LETM2: variants seen among roughly 807,000 people sequenced by gnomAD.
LETM2 encodes LETM1 domain-containing protein LETM2, mitochondrial.
LETM2 carries 58 observed loss-of-function variants against 59.6 expected under a neutral mutation model. The ratio of observed to expected loss-of-function variants is 0.97; its 90% CI spans 0.79 to 1.21. The LOEUF (loss-of-function observed/expected upper bound fraction) is 1.21. Among genes scored for constraint, LETM2 ranks in the 50% most tolerant of loss-of-function variants. The pLI is 0.00. For missense variants in LETM2, 572 were observed against 575.7 expected (o/e 0.99, Z 0.07); for synonymous variants, 199 against 214.1 (o/e 0.93, Z 0.62).
At chr8:38,386,458 G>A (rs1399901877), upstream of LETM2, 1 of 152,270 alleles carries the variant, frequency 6.6e-6, no homozygotes, top group Non-Finnish European at 1.5e-5. Context: ...CGTCAGGGGC[G>A]AGGAAAGAGG....
intron 2 of LETM2, among the ~76,000 whole-genome samples, chr8:38,391,852 C>T (rs1349733237): frequency 6.6e-6 from 1 of 151,952 alleles, no homozygotes; most frequent in African/African-American, 2.4e-5. Context: ...ACACCACACC[C>T]GGCTAATTTT....
In LETM2 at chr8:38,392,989, A is replaced by G. The variant is rs1422679249; in HGVS notation, c.495A>G (p.Arg165=). 6.3e-7 allele frequency: 1 copy of G among 1,594,180 alleles called. No individual in the cohort carries two copies. Among genetic ancestry groups the G allele is most frequent in the South Asian group, 1.1e-5 (1 of 89,844 alleles). ...LHGQVLTRRE[R]RRLLRTCVDF... ...GACAGGTCCTGACCAGACGAGAGAG[A>G]CGAAGGGTAGGCAAGAATCATATTT... Residue 165 remains arginine, a synonymous_variant, in exon 3 of 11, where the codon AGA becomes AGG. Coordinates refer to ENST00000379957, the MANE Select transcript of LETM2 (RefSeq NM_001286819.2).
chr8:38,404,324 T>G (rs1586024334), intron 7 of LETM2, 69 bp from the exon 8 acceptor site: 1 of 1,067,264 alleles, frequency 9.4e-7, no homozygotes, highest in Non-Finnish European at 1.4e-6. Context: ...CCAGGGAGGG[T>G]AGATGACCGC....
chr8:38,397,812 G>A (rs954252937), intron 4 of LETM2, among the ~76,000 whole-genome samples: 1 of 152,172 alleles, frequency 6.6e-6, no homozygotes, highest in Middle Eastern at 3.4e-3. Context: ...AGAGAGAGAT[G>A]ACAGAGAATA....
At chr8:38,392,317 T>C (rs12681501) in intron 2 of LETM2, among the ~76,000 whole-genome samples, 33,625 of 151,828 alleles carry the variant, frequency 0.22, 3,953 homozygotes, top group East Asian at 0.31. Flanking sequence ...CCTAGCTACT[T>C]AGAAGGCTGA....
chr8:38,401,415 G>A, intron 6 of LETM2: 1 of 255,450 alleles, frequency 3.9e-6, no homozygotes, highest in Non-Finnish European at 7.7e-6. Flanking sequence ...GGGATGACAG[G>A]TGTGACCACC....
At chr8:38,394,350 CAATTTCTCCTGTAATT>C in intron 4 of LETM2, 109 bp downstream of exon 4, 1 of 518,314 alleles carries the variant, frequency 1.9e-6, no homozygotes, top group Non-Finnish European at 3.3e-6. Context: ...AACCCCATCC[CAATTTCTCCTGTAATT>C]AATATCTTGC....
intron 6 of LETM2, among the ~76,000 whole-genome samples, chr8:38,401,870 A>T (rs190870830): frequency 1.7e-4 from 26 of 152,284 alleles, no homozygotes; most frequent in Admixed American, 1.6e-3. Context: ...AGGCTTTTTT[A>T]AAAAATGGAA....
chr8:38,407,061 G>A, intron 9 of LETM2, 23 bp downstream of exon 9: 2 of 1,449,476 alleles, frequency 1.4e-6, no homozygotes, highest in Middle Eastern at 3.5e-4. Context: ...CTTTCCATTT[G>A]GTTAATTAGA....
intron 8 of LETM2, among the ~76,000 whole-genome samples, chr8:38,405,908 A>G (rs1261352044): frequency 6.6e-6 from 1 of 152,216 alleles, no homozygotes; most frequent in East Asian, 1.9e-4. Context: ...TAAGCTCCTA[A>G]GCAAGTTATT....
At chr8:38,401,103 C>G (rs76690632) in intron 6 of LETM2, 50 bp downstream of exon 6, 1 of 1,411,446 alleles carries the variant, frequency 7.1e-7, no homozygotes, top group Non-Finnish European at 1.0e-6. Context: ...TTGGGACATA[C>G]CTTAGGGTGC....
At chr8:38,401,272 G>A (rs1813200933) in intron 6 of LETM2, among the ~76,000 whole-genome samples, 1 of 152,128 alleles carries the variant, frequency 6.6e-6, no homozygotes, top group Non-Finnish European at 1.5e-5. Context: ...AAGTAGCTGG[G>A]ATTACAGGCA....
intron 4 of LETM2, among the ~76,000 whole-genome samples, chr8:38,395,078 T>C (rs1038182529): frequency 6.6e-6 from 1 of 152,228 alleles, no homozygotes; most frequent in African/African-American, 2.4e-5. Flanking sequence ...CACTGAGTGA[T>C]AGTCCATTGT....
chr8:38,404,073 G>C (rs1273499259), intron 7 of LETM2, among the ~76,000 whole-genome samples: 1 of 152,168 alleles, frequency 6.6e-6, no homozygotes, highest in Non-Finnish European at 1.5e-5. Flanking sequence ...CCCAGGCTGT[G>C]ATTTATTCTT....
chr8:38,401,019 T>C lies in LETM2; in HGVS notation c.950T>C (p.Leu317Pro), dbSNP rs1456445791. 9 of 1,613,870 alleles carry C rather than the reference T, an allele frequency of 5.6e-6. No individual in the cohort carries two copies. Among genetic ancestry groups the C allele is most frequent in the Non-Finnish European group, 7.6e-6 (9 of 1,179,930 alleles). Residue 317 changes from leucine (L) to proline (P), a missense_variant, in exon 6 of 11, where the codon CTG becomes CCG. By Grantham distance (98) the Leu-to-Pro change is moderately conservative. Coordinates refer to ENST00000379957, the MANE Select transcript of LETM2 (RefSeq NM_001286819.2). Reference protein sequence around the residue: ...GTNNLLRFQLLMKLKSIKADD... With the variant: ...GTNNLLRFQLPMKLKSIKADD... ...AACAACCTGCTCCGCTTTCAGCTCC[T>C]GATGAAACTGAAGTCTATAAAAGCA...
chr8:38,385,368 T>C (rs560704311), upstream of LETM2, among the ~76,000 whole-genome samples: 1 of 152,312 alleles, frequency 6.6e-6, no homozygotes, highest in South Asian at 2.1e-4. Flanking sequence ...CCTTGCTGTA[T>C]GGTGGTCGAG....
chr8:38,388,857 C>T (rs1177430626), intron 2 of LETM2, among the ~76,000 whole-genome samples: 2 of 151,670 alleles, frequency 1.3e-5, no homozygotes, highest in African/African-American at 4.8e-5. Context: ...CCTCCAACTC[C>T]CAGGTTCAAG....
At chr8:38,407,742 A>G (rs1813849346) in intron 10 of LETM2, among the ~76,000 whole-genome samples, 1 of 152,210 alleles carries the variant, frequency 6.6e-6, no homozygotes, top group Non-Finnish European at 1.5e-5. Context: ...CCAGGTGGAA[A>G]TAGTTTCCAT....
In LETM2 at chr8:38,403,999, G is replaced by A. The variant is rs117149322; in HGVS notation, c.1105-394G>A. Among the ~76,000 whole-genome samples, 192 of 152,264 alleles carry A rather than the reference G, an allele frequency of 1.3e-3. 5 individuals are homozygous for A. In the East Asian group the frequency reaches 0.035, roughly 28 times the overall value. ...TCAGCCTTCCTAGCTGGGACCACAG[G>A]CATGTACCACCATACCCAGATAATT... is the stretch of plus-strand genomic sequence containing the variant. On this transcript the variant is annotated intron_variant, in intron 7 of 10. Coordinates refer to ENST00000379957, the MANE Select transcript of LETM2 (RefSeq NM_001286819.2).
Sources: allele counts gnomAD v4.1 joint callset (sites outside exome capture counted in the v4.1 genomes callset), GRCh38; gene constraint gnomAD v4.1.1; transcripts MANE v1.5; gene names NCBI Gene and HGNC (gene_info 2026-07-23, HGNC 2026-07-21).